The following PKP1 variants were observed in gnomAD, a reference collection of about 807,000 sequenced individuals.
PKP1 encodes the protein plakophilin 1, also known as plakophilin-1.
A neutral mutation model predicts 76.4 loss-of-function variants in PKP1; 27 were observed. That is an observed-to-expected ratio of 0.35 (90% confidence interval 0.26 to 0.49). The LOEUF is 0.49. PKP1 is among the 20% of genes least tolerant of loss of function. The probability of loss-of-function intolerance (pLI) is 0.99; values close to 1 mark genes in which losing one functional copy is unlikely to be tolerated. For missense variants in PKP1, 964 were observed against 955.2 expected, an observed-to-expected ratio of 1.01 and a Z score of -0.12; for synonymous variants, 404 against 384.2, an observed-to-expected ratio of 1.05 and a Z score of -0.60.
chr1:201,298,718 C>G (rs552851628), intron 2 of PKP1, among the ~76,000 whole-genome samples: 1 of 152,182 alleles, frequency 6.6e-6, no homozygotes, highest in African/African-American at 2.4e-5. Flanking sequence ...TATTCATTGA[C>G]CCCATTTCTC....
chr1:201,325,374 C>T (rs1211917782), intron 11 of PKP1, among the ~76,000 whole-genome samples: 3 of 152,014 alleles, frequency 2.0e-5, no homozygotes, highest in African/African-American at 4.8e-5. Context: ...GGCTGGGGGA[C>T]TCGGGGGCAC....
intron 5 of PKP1, 94 bp downstream of exon 5, chr1:201,317,873 TG>T: frequency 8.2e-7 from 1 of 1,222,934 alleles, no homozygotes; most frequent in East Asian, 2.5e-5. Context: ...CTCTCCAGGC[TG>T]GGCCAAGACA....
intron 2 of PKP1, among the ~76,000 whole-genome samples, chr1:201,304,252 T>C (rs1004480408): frequency 8.5e-5 from 13 of 152,190 alleles, no homozygotes; most frequent in Non-Finnish European, 1.8e-4. Context: ...TCAGCAAGAC[T>C]GAACTAATTC....
chr1:201,319,828 C>T, intron 6 of PKP1: 1 of 1,613,982 alleles, frequency 6.2e-7, no homozygotes, highest in Non-Finnish European at 8.5e-7. Context: ...AGAGACTGGG[C>T]ATGCGGGAGC....
rs1571564381 is a variant in PKP1, at chr1:201,325,128, G to A, written c.2021+1G>A. On this transcript the variant is annotated splice_donor_variant, in intron 11 of 13. Transcript: ENST00000367324. LOFTEE classifies it high-confidence loss of function. ...ACATCATCAACCTGTGCCGAAGCAG[G>A]TGGGCGGGGGGTTGCTCCCACGGGC... The A allele has an allele frequency of 6.2e-7, 1 of 1,613,464 alleles. No individual in the cohort carries two copies. The highest frequency in any genetic ancestry group is 8.5e-7 in the Non-Finnish European group (1 of 1,180,008).
At chr1:201,319,900 C>A in intron 6 of PKP1, 1 of 1,613,030 alleles carries the variant, frequency 6.2e-7, no homozygotes, top group South Asian at 1.1e-5. Flanking sequence ...GATGCAGCTG[C>A]GGAGGGACCG....
intron 2 of PKP1, among the ~76,000 whole-genome samples, chr1:201,307,730 A>T (rs1656412588): frequency 6.6e-6 from 1 of 152,156 alleles, no homozygotes; most frequent in Non-Finnish European, 1.5e-5. Flanking sequence ...CTGAGTGGGG[A>T]GTGGCAGGTA....
intron 13 of PKP1, 55 bp downstream of exon 13, chr1:201,328,923 C>A (rs1558198381): frequency 1.8e-6 from 2 of 1,083,886 alleles, no homozygotes; most frequent in Non-Finnish European, 2.9e-6. Flanking sequence ...ACAGCCTCAG[C>A]CAGTCTCAGA....
intron 1 of PKP1, among the ~76,000 whole-genome samples, chr1:201,293,616 C>G (rs560480339): frequency 1.3e-5 from 2 of 152,180 alleles, no homozygotes; most frequent in Non-Finnish European, 2.9e-5. Context: ...CTGGAATGGC[C>G]GTGCTCCAAG....
In PKP1 at chr1:201,318,430, C is replaced by T. The variant is rs1245967502; in HGVS notation, c.1055-188C>T. 2.0e-5 allele frequency among the ~76,000 whole-genome samples: 3 copies of T among 152,232 alleles called. No individual in the cohort carries two copies. The East Asian group carries it at 5.8e-4, about 29-fold the overall frequency. ...ATGTTCCCTGCCTGCAAAGAACCTTCAGTCTGGTTGGGGCATTGAGAAATA... is the reference window on the plus strand; with the variant it reads ...ATGTTCCCTGCCTGCAAAGAACCTTTAGTCTGGTTGGGGCATTGAGAAATA... On this transcript the variant is annotated intron_variant, in intron 5 of 13. Transcript: ENST00000367324.
In PKP1 at chr1:201,313,377, G is replaced by A. The variant is rs932061675; in HGVS notation, c.518G>A (p.Gly173Asp). ...GGCACCCTGCGCAAGGGCACGCTGGGCAGCAAGGGCCAGAAGACCACCCAG... is the reference window on the plus strand; with the variant it reads ...GGCACCCTGCGCAAGGGCACGCTGGACAGCAAGGGCCAGAAGACCACCCAG... ...PRGTLRKGTL[G>D]SKGQKTTQNR... The change falls in exon 3 of 14, where the codon GGC becomes GAC. Residue 173 changes from glycine to aspartate, a missense_variant. Transcript: ENST00000367324. 3 of 1,581,452 alleles carry A rather than the reference G, an allele frequency of 1.9e-6. No individual in the cohort carries two copies. The African/African-American group carries it at 4.0e-5, about 21-fold the overall frequency.
At chr1:201,295,492 A>G (rs563806248) in intron 2 of PKP1, among the ~76,000 whole-genome samples, 66 of 152,362 alleles carry the variant, frequency 4.3e-4, no homozygotes, top group African/African-American at 1.5e-3. Context: ...GTGATGACCA[A>G]ATTGAGAAAA....
chr1:201,316,010 A>G (rs1017714572), intron 3 of PKP1, among the ~76,000 whole-genome samples: 3 of 152,178 alleles, frequency 2.0e-5, no homozygotes, highest in Middle Eastern at 3.2e-3. Context: ...TTTGTGTAAG[A>G]GCCAGCTGGA....
intron 2 of PKP1, among the ~76,000 whole-genome samples, chr1:201,303,957 C>G (rs1656304327): frequency 6.6e-6 from 1 of 152,184 alleles, no homozygotes; most frequent in Admixed American, 6.5e-5. Flanking sequence ...CCACGCCTGG[C>G]TGAACACTTT....
chr1:201,295,214 A>G (rs1383180282), intron 2 of PKP1, among the ~76,000 whole-genome samples: 1 of 151,958 alleles, frequency 6.6e-6, no homozygotes, highest in East Asian at 1.9e-4. Context: ...AGGAGTTTAT[A>G]AGTTTGGTGT....
intron 6 of PKP1, 72 bp downstream of exon 6, chr1:201,318,867 C>A: frequency 1.5e-6 from 2 of 1,290,632 alleles, no homozygotes; most frequent in Non-Finnish European, 2.2e-6. Flanking sequence ...CCATCTCAGC[C>A]AACATTCAGC....
At chr1:201,309,627 T>C (rs759049368) in intron 2 of PKP1, among the ~76,000 whole-genome samples, 1 of 151,960 alleles carries the variant, frequency 6.6e-6, no homozygotes, top group African/African-American at 2.4e-5. Context: ...GCTATCTGAG[T>C]GTGGGGGTGT....
At chr1:201,322,169 T>C in intron 8 of PKP1, 36 bp downstream of exon 8, 1 of 1,601,556 alleles carries the variant, frequency 6.2e-7, no homozygotes, top group Non-Finnish European at 8.5e-7. Flanking sequence ...GCCTGCCCCA[T>C]CAAGCACCCC....
chr1:201,297,563 C>T lies in PKP1; in HGVS notation c.306+3518C>T, dbSNP rs548258499. 3.3e-5 allele frequency among the ~76,000 whole-genome samples: 5 copies of T among 152,302 alleles called. No individual in the cohort carries two copies. The South Asian group carries it at 1.0e-3, about 32-fold the overall frequency. ...GAGAAATTACTCCTTGAAGGCCACA[C>T]AGCTGGTTACTGGTACAGCGGACTA... On this transcript the variant is annotated intron_variant, in intron 2 of 13. Coordinates refer to ENST00000367324, the MANE Select transcript of PKP1 (RefSeq NM_001005337.3).
Sources: gnomAD v4.1 joint callset for allele counts (sites outside exome capture counted in the v4.1 genomes callset) on GRCh38, gnomAD v4.1.1 for gene constraint, MANE v1.5 for transcripts, NCBI Gene and HGNC (gene_info 2026-07-23, HGNC 2026-07-21) for gene names.